Variants in FLACC1 observed in about 807,000 individuals in gnomAD.
FLACC1 encodes flagellum associated containing coiled-coil domains 1, also known as flagellum-associated coiled-coil domain-containing protein 1.
Under a neutral mutation model 62.8 loss-of-function variants are expected in FLACC1, and 66 were observed. That is an observed-to-expected ratio of 1.05 (90% CI 0.86 to 1.29). FLACC1 has a LOEUF of 1.29. FLACC1 is among the 50% of genes most tolerant of loss of function. The pLI is 0.00. For synonymous variants in FLACC1, 156 were observed against 161.0 expected (o/e 0.97, Z 0.24); for missense variants, 452 against 489.1 (o/e 0.92, Z 0.71).
intron 9 of FLACC1, among the ~76,000 whole-genome samples, chr2:201,315,795 A>G (rs1370937148): frequency 6.6e-6 from 1 of 152,210 alleles, no homozygotes; most frequent in East Asian, 1.9e-4. Context: ...GATAGACCAT[A>G]TGATAGGCCA....
intron 3 of FLACC1, among the ~76,000 whole-genome samples, chr2:201,348,656 A>G (rs1950965786): frequency 6.6e-6 from 1 of 151,364 alleles, no homozygotes; most frequent in South Asian, 2.1e-4. Context: ...ACAAACGGGC[A>G]CACACACACT....
At chr2:201,304,018 A>G (rs1950047796) in intron 11 of FLACC1, among the ~76,000 whole-genome samples, 1 of 152,238 alleles carries the variant, frequency 6.6e-6, no homozygotes, top group Non-Finnish European at 1.5e-5. Flanking sequence ...GAAAACTGGC[A>G]AAAGACATGG....
At chr2:201,310,401 G>C (rs967775441) in intron 9 of FLACC1, among the ~76,000 whole-genome samples, 1 of 152,138 alleles carries the variant, frequency 6.6e-6, no homozygotes, top group Admixed American at 6.5e-5. Flanking sequence ...ACACTTAGGG[G>C]TTTCCTGGGA....
intron 12 of FLACC1, among the ~76,000 whole-genome samples, chr2:201,291,207 T>C (rs1216849443): frequency 6.6e-6 from 1 of 152,202 alleles, no homozygotes; most frequent in African/African-American, 2.4e-5. Flanking sequence ...GCTTGAGATC[T>C]GAGAATGGAC....
chr2:201,362,877 CAA>C, the FLACC1 span, among the ~76,000 whole-genome samples: 1 of 152,094 alleles, frequency 6.6e-6, no homozygotes, highest in African/African-American at 2.4e-5. Context: ...CAGAACTGTG[CAA>C]AGAGCCTCAG....
rs1409197224 is a variant in FLACC1, at chr2:201,326,089, C to T, written c.675+4381G>A. ...AAACACATGATCATCTCAATAGATT[C>T]AGAAAAAGCATTTAATAAAATCCAG... is the stretch of plus-strand genomic sequence containing the variant. On this transcript the variant is annotated intron_variant, in intron 9 of 14. Coordinates refer to ENST00000392257, the MANE Select transcript of FLACC1 (RefSeq NM_001127391.3). The surrounding 1 kb of genome is among the most constrained non-coding windows in gnomAD (Gnocchi z 4.1). Among the ~76,000 whole-genome samples the T allele has an allele frequency of 6.6e-6, 1 of 152,104 alleles. No individual in the cohort carries two copies. Among genetic ancestry groups the T allele is most frequent in the Non-Finnish European group, 1.5e-5 (1 of 68,016 alleles).
intron 12 of FLACC1, among the ~76,000 whole-genome samples, chr2:201,294,412 G>A (rs1035127802): frequency 3.3e-5 from 5 of 152,080 alleles, no homozygotes; most frequent in African/African-American, 1.2e-4. Context: ...CCGAACCAAT[G>A]ACAAAAACCA....
chr2:201,331,664 G>A (rs1950596045), intron 7 of FLACC1, among the ~76,000 whole-genome samples: 2 of 152,222 alleles, frequency 1.3e-5, no homozygotes, highest in Non-Finnish European at 2.9e-5. Context: ...TCAAACTATG[G>A]AGACAGTAAA....
chr2:201,301,602 G>A (rs966439105), intron 11 of FLACC1, among the ~76,000 whole-genome samples: 3 of 152,166 alleles, frequency 2.0e-5, no homozygotes, highest in Non-Finnish European at 4.4e-5. Context: ...TACTCCTCGA[G>A]AAGAGCAACT....
intron 5 of FLACC1, 58 bp from the exon 6 acceptor site, chr2:201,344,321 GC>G: frequency 7.0e-7 from 1 of 1,431,606 alleles, no homozygotes; most frequent in East Asian, 2.3e-5. Context: ...TGCCATTCAG[GC>G]CCCTGAGCAT....
intron 13 of FLACC1, 29 bp downstream of exon 13, chr2:201,289,667 C>T: frequency 1.2e-6 from 2 of 1,611,596 alleles, no homozygotes; most frequent in Non-Finnish European, 1.7e-6. Context: ...CTTCCCCCAA[C>T]CCCCATCCCC....
chr2:201,327,305 C>A (rs574363364), intron 9 of FLACC1, among the ~76,000 whole-genome samples: 46 of 151,896 alleles, frequency 3.0e-4, no homozygotes, highest in African/African-American at 1.1e-3. Flanking sequence ...GCAACAAAAC[C>A]AAAAATAAAT....
chr2:201,308,766 C>T (rs918306939), intron 10 of FLACC1, among the ~76,000 whole-genome samples: 1 of 152,096 alleles, frequency 6.6e-6, no homozygotes, highest in Non-Finnish European at 1.5e-5. Flanking sequence ...TCCTATCTGC[C>T]CCCTGCCCAC....
upstream of FLACC1, among the ~76,000 whole-genome samples, chr2:201,359,210 C>T (rs1041823977): frequency 2.6e-5 from 4 of 152,084 alleles, no homozygotes; most frequent in Non-Finnish European, 5.9e-5. Context: ...TTGAGTTGAC[C>T]GTGGTGCCAT....
At chr2:201,350,346 C>G (rs867854641) in intron 3 of FLACC1, among the ~76,000 whole-genome samples, 1 of 152,164 alleles carries the variant, frequency 6.6e-6, no homozygotes, top group Non-Finnish European at 1.5e-5. Context: ...GATGGCACCA[C>G]TGCGCTCCAG....
In FLACC1 at chr2:201,350,735, G is replaced by C; in HGVS notation, c.161C>G (p.Pro54Arg). Reference protein sequence around the residue: ...PAPKNHNYLQPTKPVVSPKMK... With the variant: ...PAPKNHNYLQRTKPVVSPKMK... ...CTTTGGGGAAACAACAGGTTTTGTT[G>C]GTTGGAGGTAATTGTGATTTTTTGG... The change falls in exon 3 of 15, where the codon CCA (proline) becomes CGA (arginine). Residue 54 changes from proline (P) to arginine (R), a missense_variant. By Grantham distance (103) the Pro-to-Arg change is moderately radical. This residue lies in a region of FLACC1 where 147 missense variants were observed against 152.7 expected (regional missense o/e 0.96). Transcript: ENST00000392257. 1 of 1,610,460 alleles carries C rather than the reference G, an allele frequency of 6.2e-7. No homozygotes were observed. The highest frequency in any genetic ancestry group is 8.5e-7 in the Non-Finnish European group (1 of 1,178,352).
chr2:201,303,395 G>T (rs900221969), intron 11 of FLACC1, among the ~76,000 whole-genome samples: 1 of 152,014 alleles, frequency 6.6e-6, no homozygotes, highest in African/African-American at 2.4e-5. Context: ...AGTTGAATCC[G>T]TGAATAGACC....
At chr2:201,303,003 A>G (rs977613136) in intron 11 of FLACC1, among the ~76,000 whole-genome samples, 1 of 152,192 alleles carries the variant, frequency 6.6e-6, no homozygotes, top group African/African-American at 2.4e-5. Flanking sequence ...TGACACCCTA[A>G]CATCACAATT....
chr2:201,327,726 T>C (rs1284284063), intron 9 of FLACC1, among the ~76,000 whole-genome samples: 1 of 152,156 alleles, frequency 6.6e-6, no homozygotes, highest in East Asian at 1.9e-4. Flanking sequence ...TGTAAATTAG[T>C]ACAACCTTTT....
Sources: gnomAD v4.1 joint callset for allele counts (sites outside exome capture counted in the v4.1 genomes callset) on GRCh38, gnomAD v4.1.1 for gene constraint, gnomAD v4.1.1 regional missense constraint, Gnocchi (gnomAD v3.1) non-coding constraint, MANE v1.5 for transcripts, NCBI Gene and HGNC (gene_info 2026-07-23, HGNC 2026-07-21) for gene names.